Variants in PTPRN2 observed in about 807,000 individuals in gnomAD.
The protein encoded by PTPRN2 is receptor-type tyrosine-protein phosphatase N2.
PTPRN2 carries 74 observed loss-of-function variants against 118.8 expected under a neutral mutation model. The ratio of observed to expected loss-of-function variants is 0.62; its 90% CI spans 0.52 to 0.76. PTPRN2 has a LOEUF of 0.76. Ranked by LOEUF, PTPRN2 falls within the 30% of genes least tolerant of loss-of-function variation. The pLI is 0.00. For synonymous variants in PTPRN2, 641 were observed against 608.0 expected, an observed-to-expected ratio of 1.05 and a Z score of -0.80; for missense variants, 1,481 against 1,394.4, an observed-to-expected ratio of 1.06 and a Z score of -0.99.
intron 3 of PTPRN2, among the ~76,000 whole-genome samples, chr7:158,252,965 G>C (rs113812780): frequency 2.0e-4 from 31 of 152,260 alleles, no homozygotes; most frequent in African/African-American, 7.2e-4. Flanking sequence ...GAGAGTCCCT[G>C]TGGCCCGAGG....
intron 1 of PTPRN2, among the ~76,000 whole-genome samples, chr7:158,508,648 C>T (rs1024420631): frequency 7.2e-6 from 1 of 139,828 alleles, no homozygotes; most frequent in Middle Eastern, 3.3e-3. Flanking sequence ...TGGCTCCGCT[C>T]CTGTGGGTGT....
At chr7:158,137,330 T>C (rs964926081) in intron 7 of PTPRN2, among the ~76,000 whole-genome samples, 27 of 152,156 alleles carry the variant, frequency 1.8e-4, no homozygotes, top group African/African-American at 6.5e-4. Context: ...GGCATGAGAA[T>C]CACTTGAACC....
intron 12 of PTPRN2, among the ~76,000 whole-genome samples, chr7:157,792,279 G>A (rs766895836): frequency 3.9e-5 from 6 of 152,260 alleles, no homozygotes; most frequent in Non-Finnish European, 7.3e-5. Flanking sequence ...GCCCGCAGCG[G>A]GGCATCTGCG....
chr7:158,149,813 A>G (rs891121379), intron 6 of PTPRN2, among the ~76,000 whole-genome samples: 2 of 152,256 alleles, frequency 1.3e-5, no homozygotes, highest in South Asian at 2.1e-4. Flanking sequence ...CAAAAAAAAA[A>G]AAAAGATAAA....
chr7:158,577,816 C>T (rs1437546397), intron 1 of PTPRN2, among the ~76,000 whole-genome samples: 2 of 152,242 alleles, frequency 1.3e-5, no homozygotes, highest in Non-Finnish European at 2.9e-5. Flanking sequence ...TGGACTCTGA[C>T]ACAATCCTAA....
chr7:157,973,809 G>A (rs1802522029), intron 11 of PTPRN2, among the ~76,000 whole-genome samples: 1 of 152,184 alleles, frequency 6.6e-6, no homozygotes, highest in Admixed American at 6.5e-5. Flanking sequence ...CATGCTTTTA[G>A]AAGACCACGC....
intron 2 of PTPRN2, among the ~76,000 whole-genome samples, chr7:158,359,496 C>T (rs777354806): frequency 6.6e-5 from 10 of 152,282 alleles, no homozygotes; most frequent in East Asian, 3.9e-4. Context: ...CAGGTCAACA[C>T]GAAGGCCTGC....
chr7:158,310,031 G>C (rs1227681928), intron 3 of PTPRN2, among the ~76,000 whole-genome samples: 1 of 152,208 alleles, frequency 6.6e-6, no homozygotes, highest in Non-Finnish European at 1.5e-5. Context: ...CCCACCACCA[G>C]ACACCAAATA....
At chr7:157,857,110 G>C (rs936987906) in intron 12 of PTPRN2, among the ~76,000 whole-genome samples, 7 of 151,284 alleles carry the variant, frequency 4.6e-5, no homozygotes, top group Non-Finnish European at 1.0e-4. Flanking sequence ...CGGCATTGCT[G>C]GTGGAGCTGG....
At chr7:158,067,368 G>A (rs1257948474) in intron 11 of PTPRN2, among the ~76,000 whole-genome samples, 1 of 152,194 alleles carries the variant, frequency 6.6e-6, no homozygotes, top group Admixed American at 6.5e-5. Flanking sequence ...GCAGGGGGCA[G>A]GGGTTTGTCT....
intron 11 of PTPRN2, among the ~76,000 whole-genome samples, chr7:158,071,268 G>C (rs1362321998): frequency 2.1e-5 from 1 of 48,492 alleles, no homozygotes. Flanking sequence ...GCCCGTGGTG[G>C]TGGAGGTGCC....
At chr7:157,553,867 T>G (rs1397428610) in intron 21 of PTPRN2, among the ~76,000 whole-genome samples, 1 of 152,186 alleles carries the variant, frequency 6.6e-6, no homozygotes, top group Non-Finnish European at 1.5e-5. Context: ...ATAGAGCCCA[T>G]GCATGAGATC....
Position 158,136,637 on chromosome 7 carries a change from C to T in PTPRN2, c.1173+18G>A. ...TTCCACATTTAACATGAAACAAACA[C>T]CAGAGACGTCATCTTACCTCTTGGT... On this transcript the variant is annotated intron_variant, in intron 8 of 22. Coordinates refer to ENST00000389418, the MANE Select transcript of PTPRN2 (RefSeq NM_002847.5). 1 of 1,610,304 alleles carries T rather than the reference C, an allele frequency of 6.2e-7. No homozygotes were observed.
At chr7:158,194,156 AGTGTGTGAG>A (rs1826022289) in intron 4 of PTPRN2, among the ~76,000 whole-genome samples, 1 of 146,978 alleles carries the variant, frequency 6.8e-6, no homozygotes, top group African/African-American at 2.6e-5. Flanking sequence ...TGTGTGTGTG[AGTGTGTGAG>A]GGGTGTGAGT....
intron 17 of PTPRN2, among the ~76,000 whole-genome samples, chr7:157,580,886 G>A (rs1406248731): frequency 1.0e-5 from 1 of 97,910 alleles, no homozygotes; most frequent in Non-Finnish European, 2.0e-5. Context: ...CCCAGCACCT[G>A]CACACCCCAG....
At chr7:158,071,836 GGAGGTGCTC>G in intron 11 of PTPRN2, among the ~76,000 whole-genome samples, 1 of 56,606 alleles carries the variant, frequency 1.8e-5, no homozygotes, top group Non-Finnish European at 3.4e-5. Context: ...TGCCCGTGGT[GGAGGTGCTC>G]GTGGTGGTGG....
intron 2 of PTPRN2, among the ~76,000 whole-genome samples, chr7:158,477,722 T>G (rs957850129): frequency 3.3e-5 from 5 of 152,166 alleles, no homozygotes; most frequent in Admixed American, 1.3e-4. Context: ...TTCCTGTAAG[T>G]TCAAGAAATC....
At chr7:157,859,888 G>A (rs550288587) in intron 12 of PTPRN2, among the ~76,000 whole-genome samples, 1,191 of 107,890 alleles carry the variant, frequency 0.011, 10 homozygotes, top group Non-Finnish European at 0.018. Flanking sequence ...CCCAGCCACT[G>A]TACACACTCC....
intron 12 of PTPRN2, among the ~76,000 whole-genome samples, chr7:157,778,583 A>G (rs1803483040): frequency 6.6e-6 from 1 of 152,016 alleles, no homozygotes; most frequent in Admixed American, 6.5e-5. Context: ...CAGGTGTTGA[A>G]TGTCCACATA....
Sources: gnomAD v4.1 joint callset for allele counts (sites outside exome capture counted in the v4.1 genomes callset) on GRCh38, gnomAD v4.1.1 for gene constraint, MANE v1.5 for transcripts, NCBI Gene and HGNC (gene_info 2026-07-23, HGNC 2026-07-21) for gene names.